NCAM2: variants seen among roughly 807,000 people sequenced by gnomAD.
NCAM2 encodes the protein N-CAM-2.
Under a neutral mutation model 98.1 loss-of-function variants are expected in NCAM2, and 30 were observed. The ratio of observed to expected loss-of-function variants is 0.31; its 90% CI spans 0.23 to 0.41. NCAM2 has a LOEUF of 0.41. Ranked by LOEUF, NCAM2 falls within the 10% of genes least tolerant of loss-of-function variation. The pLI is 1.00. For missense variants in NCAM2, 867 were observed against 1,005.8 expected (o/e 0.86, Z 1.87); for synonymous variants, 368 against 342.4 (o/e 1.07, Z -0.83).
At chr21:21,062,024 C>T (rs2065333557) in intron 1 of NCAM2, among the ~76,000 whole-genome samples, 1 of 152,182 alleles carries the variant, frequency 6.6e-6, no homozygotes, top group African/African-American at 2.4e-5. Flanking sequence ...CCAAGATACA[C>T]CATCTCTCCT....
At chr21:21,428,392 A>G (rs183444393) in intron 11 of NCAM2, among the ~76,000 whole-genome samples, 7 of 152,344 alleles carry the variant, frequency 4.6e-5, no homozygotes, top group African/African-American at 1.7e-4. Context: ...ATAATCCAGG[A>G]TCCTGAACAT....
chr21:21,188,286 A>G (rs541246534), intron 1 of NCAM2, among the ~76,000 whole-genome samples: 13 of 152,300 alleles, frequency 8.5e-5, no homozygotes, highest in Admixed American at 5.9e-4. Context: ...GCTGCAATAG[A>G]TAATAAATAC....
chr21:21,475,984 C>G (rs527530092), intron 14 of NCAM2, among the ~76,000 whole-genome samples: 16 of 152,236 alleles, frequency 1.1e-4, no homozygotes, highest in African/African-American at 3.6e-4. Flanking sequence ...GAAGGACACT[C>G]CATGTTTGAG....
chr21:21,485,367 A>G (rs1051392564), intron 15 of NCAM2, among the ~76,000 whole-genome samples: 1 of 152,146 alleles, frequency 6.6e-6, no homozygotes, highest in African/African-American at 2.4e-5. Context: ...ATAAGTAGTT[A>G]TTTATTACAT....
At chr21:21,484,982 T>G (rs1986221696) in intron 15 of NCAM2, among the ~76,000 whole-genome samples, 2 of 152,140 alleles carry the variant, frequency 1.3e-5, no homozygotes, top group Admixed American at 1.3e-4. Flanking sequence ...AATTTTATTA[T>G]GTAGAATTGT....
intron 1 of NCAM2, among the ~76,000 whole-genome samples, chr21:21,111,657 A>G (rs2066456950): frequency 6.6e-6 from 1 of 152,234 alleles, no homozygotes; most frequent in Admixed American, 6.5e-5. Flanking sequence ...TAACAGAAGC[A>G]AGATGCTTGG....
intron 12 of NCAM2, among the ~76,000 whole-genome samples, chr21:21,447,982 A>G (rs1980440991): frequency 1.3e-5 from 2 of 152,102 alleles, no homozygotes; most frequent in Non-Finnish European, 2.9e-5. Flanking sequence ...GGAAGACAGT[A>G]TGGAGATTCC....
At chr21:21,275,732 A>G (rs887153656) in intron 1 of NCAM2, among the ~76,000 whole-genome samples, 1 of 152,010 alleles carries the variant, frequency 6.6e-6, no homozygotes, top group Admixed American at 6.6e-5. Flanking sequence ...TCTATTCTCT[A>G]CCTTTTCATA....
intron 15 of NCAM2, among the ~76,000 whole-genome samples, chr21:21,507,705 G>A (rs1045390073): frequency 2.0e-5 from 3 of 149,050 alleles, no homozygotes; most frequent in African/African-American, 7.4e-5. Context: ...CATGAGAATT[G>A]CTTGAACCCG....
chr21:21,221,328 C>T (rs1280325104), intron 1 of NCAM2, among the ~76,000 whole-genome samples: 1 of 151,480 alleles, frequency 6.6e-6, no homozygotes, highest in Non-Finnish European at 1.5e-5. Flanking sequence ...ACAGGTCTCT[C>T]AATTTAAAAC....
chr21:21,199,234 A>C (rs2069121309), intron 1 of NCAM2, among the ~76,000 whole-genome samples: 1 of 152,182 alleles, frequency 6.6e-6, no homozygotes, highest in African/African-American at 2.4e-5. Context: ...AAATGTTTCC[A>C]ATTATAAAAC....
At chr21:21,320,794 A>T (rs8134784) in intron 5 of NCAM2, among the ~76,000 whole-genome samples, 122,252 of 152,096 alleles carry the variant, frequency 0.8, 49,322 homozygotes, top group East Asian at 0.99. Context: ...ATGTAAATTG[A>T]AAAATGAGGG....
chr21:21,166,964 A>C (rs2067972837), intron 1 of NCAM2, among the ~76,000 whole-genome samples: 2 of 152,186 alleles, frequency 1.3e-5, no homozygotes, highest in East Asian at 3.9e-4. Flanking sequence ...CCTGTATACA[A>C]ATATTTAAAT....
intron 1 of NCAM2, among the ~76,000 whole-genome samples, chr21:21,156,869 A>G (rs1467957008): frequency 6.6e-6 from 1 of 152,100 alleles, no homozygotes; most frequent in African/African-American, 2.4e-5. Context: ...GACTAAAAAG[A>G]TGACATGTGT....
intron 11 of NCAM2, among the ~76,000 whole-genome samples, chr21:21,429,605 G>A (rs1006264408): frequency 6.6e-6 from 1 of 152,056 alleles, no homozygotes; most frequent in Non-Finnish European, 1.5e-5. Flanking sequence ...GTAAATTTTG[G>A]ATCAAACCTA....
intron 16 of NCAM2, among the ~76,000 whole-genome samples, chr21:21,523,544 T>C (rs1989150928): frequency 6.6e-6 from 1 of 151,972 alleles, no homozygotes; most frequent in Admixed American, 6.6e-5. Context: ...TTATTCTTAT[T>C]CATAAGATTA....
chr21:21,535,343 C>T (rs1180989808), intron 17 of NCAM2, among the ~76,000 whole-genome samples: 1 of 152,050 alleles, frequency 6.6e-6, no homozygotes, highest in Non-Finnish European at 1.5e-5. Context: ...GTGGTACTAA[C>T]AAAACCATGG....
At chr21:21,240,615 A>T (rs1433707854) in intron 1 of NCAM2, among the ~76,000 whole-genome samples, 1 of 152,152 alleles carries the variant, frequency 6.6e-6, no homozygotes, top group Non-Finnish European at 1.5e-5. Context: ...TGAATGACAA[A>T]TTATTCTTCT....
At position 21,213,032 on chromosome 21, in the gene NCAM2, G is replaced by A. The variant is rs570372775; in HGVS notation, c.56-67546G>A. Among the ~76,000 whole-genome samples the A allele has an allele frequency of 7.1e-4, 108 of 152,142 alleles. 1 individual carries two copies. Among genetic ancestry groups the A allele is most frequent in the African/African-American group, 2.5e-3 (105 of 41,528 alleles). ...TGGGATTATAGGCATGAGCCACCAC[G>A]CCTGACCTATCTGTGCTTTTAAAAT... On this transcript the variant is annotated intron_variant, in intron 1 of 17. Coordinates refer to ENST00000400546, the MANE Select transcript of NCAM2 (RefSeq NM_004540.5).
Sources: allele counts gnomAD v4.1 joint callset (sites outside exome capture counted in the v4.1 genomes callset), GRCh38; gene constraint gnomAD v4.1.1; transcripts MANE v1.5; gene names NCBI Gene and HGNC (gene_info 2026-07-23, HGNC 2026-07-21).